The following TSHZ2 variants were observed in gnomAD, a reference collection of about 807,000 sequenced individuals.
The protein encoded by TSHZ2 is teashirt zinc finger homeobox 2.
In TSHZ2, 21 loss-of-function variants were observed where a neutral mutation model predicts 74.4. The observed-to-expected ratio is 0.28, with a 90% CI of 0.20 to 0.41. TSHZ2 has a LOEUF of 0.41. Ranked by LOEUF, TSHZ2 falls within the 10% of genes least tolerant of loss-of-function variation. The pLI is 1.00. For synonymous variants in TSHZ2, 540 were observed against 515.3 expected, an observed-to-expected ratio of 1.05 and a Z score of -0.65; for missense variants, 1,244 against 1,293.5, an observed-to-expected ratio of 0.96 and a Z score of 0.59.
At position 53,207,837 on chromosome 20, in the gene TSHZ2, G is replaced by A. The variant is rs1012405999; in HGVS notation, c.41-45662G>A. On this transcript the variant is annotated intron_variant, in intron 1 of 2. Coordinates refer to ENST00000371497, the MANE Select transcript of TSHZ2 (RefSeq NM_173485.6). ...GTTAGGGCTACAGGCATGCACCATC[G>A]TGCCCAGATACATTGTTTTACTTTT... Among the ~76,000 whole-genome samples the A allele has an allele frequency of 2.7e-5, 4 of 147,552 alleles. No homozygotes were observed. In the Admixed American group the frequency reaches 2.7e-4, roughly 10 times the overall value.
Position 53,255,379 on chromosome 20 carries a change from C to T in TSHZ2, c.1921C>T (p.Pro641Ser). The T allele has an allele frequency of 6.2e-7, 1 of 1,613,982 alleles. No homozygotes were observed. The highest frequency in any genetic ancestry group is 8.5e-7 in the Non-Finnish European group (1 of 1,180,006). The change falls in exon 2 of 3, where the codon CCA becomes TCA. Residue 641 changes from proline (P) to serine (S), a missense_variant. Pro to Ser is a moderately conservative substitution (Grantham distance 74). Around this residue, in one of 6 missense-constraint regions of TSHZ2, gnomAD observed 562 missense variants for 544.0 expected, o/e 1.03. Transcript: ENST00000371497. The surrounding 1 kb of genome is among the most constrained non-coding windows in gnomAD (Gnocchi z 4.1). ...GDSFRKSETPPEAKKTELGPL... is the reference protein window; with the variant it reads ...GDSFRKSETPSEAKKTELGPL... The stretch of plus-strand genomic sequence containing the variant: ...TTCTTTCCGCAAAAGTGAAACACCT[C>T]CAGAAGCCAAAAAGACCGAGCTGGG...
At chr20:53,078,802 G>A (rs1188149737) in intron 1 of TSHZ2, among the ~76,000 whole-genome samples, 1 of 152,180 alleles carries the variant, frequency 6.6e-6, no homozygotes, top group Non-Finnish European at 1.5e-5. Flanking sequence ...GGTACGCTGG[G>A]AATAATGGAG....
chr20:53,407,063 G>A lies in TSHZ2; in HGVS notation c.*9-80081G>A, dbSNP rs561538370. ...TTCACCAGGGAAACACAGCAGTGGG[G>A]GTAACATCATGTGTACAGTGACCCC... On this transcript the variant is annotated intron_variant, in intron 2 of 2. Coordinates refer to ENST00000371497, the MANE Select transcript of TSHZ2 (RefSeq NM_173485.6). Among the ~76,000 whole-genome samples, 127 of 152,216 alleles carry A rather than the reference G, an allele frequency of 8.3e-4. 1 individual carries two copies. Among genetic ancestry groups the A allele is most frequent in the African/African-American group, 3.0e-3 (124 of 41,534 alleles).
chr20:53,163,154 T>C (rs1987981817), intron 1 of TSHZ2, among the ~76,000 whole-genome samples: 1 of 152,092 alleles, frequency 6.6e-6, no homozygotes, highest in South Asian at 2.1e-4. Flanking sequence ...TACCTATGAT[T>C]TGTGTGATAG....
At chr20:53,431,207 TC>T (rs1267900845) in intron 2 of TSHZ2, among the ~76,000 whole-genome samples, 1 of 149,866 alleles carries the variant, frequency 6.7e-6, no homozygotes, top group East Asian at 2.1e-4. Flanking sequence ...ATGCCTGTAA[TC>T]CCAGCACTTT....
At chr20:53,289,990 G>A (rs550685425) in intron 2 of TSHZ2, among the ~76,000 whole-genome samples, 1 of 152,098 alleles carries the variant, frequency 6.6e-6, no homozygotes, top group Non-Finnish European at 1.5e-5. Context: ...GTTGTAAATG[G>A]CCTGAGAATG....
At chr20:53,358,581 T>C (rs928106431) in intron 2 of TSHZ2, among the ~76,000 whole-genome samples, 3 of 151,964 alleles carry the variant, frequency 2.0e-5, no homozygotes, top group South Asian at 2.1e-4. Context: ...CTGGCCTCAG[T>C]TGATCAACCC....
intron 1 of TSHZ2, among the ~76,000 whole-genome samples, chr20:53,194,630 T>C (rs531020764): frequency 6.6e-6 from 1 of 152,334 alleles, no homozygotes; most frequent in Admixed American, 6.5e-5. Context: ...CTTTGTAAGA[T>C]GGCAGTTGAG....
At chr20:53,114,975 G>A (rs139451675) in intron 1 of TSHZ2, among the ~76,000 whole-genome samples, 27 of 152,326 alleles carry the variant, frequency 1.8e-4, no homozygotes, top group Non-Finnish European at 3.4e-4. Flanking sequence ...TTCCTTGCAT[G>A]TGGGAGTGTT....
intron 2 of TSHZ2, among the ~76,000 whole-genome samples, chr20:53,481,257 A>G (rs1306649869): frequency 1.0e-5 from 1 of 97,654 alleles, no homozygotes; most frequent in Non-Finnish European, 2.1e-5. Flanking sequence ...TGAGGTTTTT[A>G]CTTTACTTTT....
intron 2 of TSHZ2, among the ~76,000 whole-genome samples, chr20:53,424,930 G>A (rs1377377109): frequency 1.3e-5 from 2 of 152,188 alleles, no homozygotes; most frequent in East Asian, 1.9e-4. Context: ...ATTCCATGGT[G>A]TATATATACC....
chr20:53,458,414 G>T (rs1374017597), intron 2 of TSHZ2, among the ~76,000 whole-genome samples: 1 of 152,062 alleles, frequency 6.6e-6, no homozygotes, highest in Non-Finnish European at 1.5e-5. Flanking sequence ...TATCCCCTTT[G>T]TCATTTTTTA....
intron 1 of TSHZ2, among the ~76,000 whole-genome samples, chr20:53,107,094 G>T (rs1320744573): frequency 6.6e-6 from 1 of 152,124 alleles, no homozygotes; most frequent in Non-Finnish European, 1.5e-5. Flanking sequence ...TAGGGTCCTG[G>T]TGCCCAGAAC....
At chr20:53,157,997 G>A (rs900888214) in intron 1 of TSHZ2, among the ~76,000 whole-genome samples, 4 of 152,128 alleles carry the variant, frequency 2.6e-5, no homozygotes, top group African/African-American at 9.7e-5. Flanking sequence ...AAATTTGAGT[G>A]GGGGATTGTG....
rs1197220541 is a variant in TSHZ2 at position 53,059,672 on chromosome 20, T to A, written c.40+86339T>A. On this transcript the variant is annotated intron_variant, in intron 1 of 2. Transcript: ENST00000371497. ...AATTGGTTAAAGACCCTCCTACAGC[T>A]TTGAGATTTATTTTGAGGACAATGA... is the stretch of plus-strand genomic sequence containing the variant. Among the ~76,000 whole-genome samples the A allele has an allele frequency of 3.9e-5, 6 of 152,218 alleles. No individual in the cohort carries two copies. In the East Asian group the frequency reaches 1.2e-3, roughly 29 times the overall value.
At chr20:53,282,838 G>A (rs1007859905) in intron 2 of TSHZ2, among the ~76,000 whole-genome samples, 6 of 152,178 alleles carry the variant, frequency 3.9e-5, no homozygotes, top group Non-Finnish European at 7.3e-5. Flanking sequence ...GCTTGCTGTC[G>A]TGAGGAGGCC....
At chr20:53,007,861 T>C (rs1204560565) in intron 1 of TSHZ2, among the ~76,000 whole-genome samples, 1 of 152,066 alleles carries the variant, frequency 6.6e-6, no homozygotes, top group East Asian at 1.9e-4. Flanking sequence ...TCAGGAAAAT[T>C]AAAATAATTT....
chr20:53,436,778 T>G (rs896780558), intron 2 of TSHZ2, among the ~76,000 whole-genome samples: 1 of 151,864 alleles, frequency 6.6e-6, no homozygotes, highest in Non-Finnish European at 1.5e-5. Flanking sequence ...CTAAAACTCC[T>G]GACCTCAAGT....
intron 1 of TSHZ2, among the ~76,000 whole-genome samples, chr20:53,070,974 T>C (rs1386561836): frequency 6.6e-6 from 1 of 152,192 alleles, no homozygotes; most frequent in African/African-American, 2.4e-5. Context: ...TTTAAAGTAA[T>C]GGGTACTATT....
Sources: allele counts gnomAD v4.1 joint callset (sites outside exome capture counted in the v4.1 genomes callset), GRCh38; gene constraint gnomAD v4.1.1; regional missense constraint gnomAD v4.1.1; non-coding constraint Gnocchi (gnomAD v3.1); transcripts MANE v1.5; gene names NCBI Gene and HGNC (gene_info 2026-07-23, HGNC 2026-07-21).